The following AIG1 variants were observed in gnomAD, a reference collection of about 807,000 sequenced individuals.
AIG1 encodes androgen induced 1.
A neutral mutation model predicts 31.4 loss-of-function variants in AIG1; 23 were observed. The ratio of observed to expected loss-of-function variants is 0.73; its 90% confidence interval spans 0.53 to 1.04. The LOEUF (loss-of-function observed/expected upper bound fraction) is 1.04, where lower values mean the gene tolerates loss of function less well. AIG1 is among the 50% of genes least tolerant of loss of function. The probability of loss-of-function intolerance (pLI) is 0.00; values close to 1 mark genes in which losing one functional copy is unlikely to be tolerated. For missense variants in AIG1, 274 were observed against 295.0 expected (o/e 0.93, Z 0.52); for synonymous variants, 100 against 110.5 (o/e 0.90, Z 0.60).
chr6:143,263,807 A>G (rs183979633), intron 3 of AIG1, among the ~76,000 whole-genome samples: 20 of 152,320 alleles, frequency 1.3e-4, no homozygotes, highest in African/African-American at 4.8e-4. Flanking sequence ...CCATTCCCCA[A>G]TGGTAGATTA....
At chr6:143,064,263 G>T (rs1231324204) in intron 1 of AIG1, among the ~76,000 whole-genome samples, 1 of 152,188 alleles carries the variant, frequency 6.6e-6, no homozygotes, top group African/African-American at 2.4e-5. Flanking sequence ...AATTACAAGG[G>T]TCCTTAAAAG....
chr6:143,278,537 C>T lies in AIG1; in HGVS notation c.400-5573C>T, dbSNP rs547179711. Among the ~76,000 whole-genome samples, 9 of 149,744 alleles carry T rather than the reference C, an allele frequency of 6.0e-5. No individual in the cohort carries two copies. The South Asian group carries it at 6.4e-4, about 11-fold the overall frequency. On this transcript the variant is annotated intron_variant, in intron 3 of 5. Coordinates refer to ENST00000357847, the MANE Select transcript of AIG1 (RefSeq NM_016108.4). ...AGGCTGCAGTGCGGTGGCGTGATCT[C>T]GGCTCACTGCAACCTCTGCCTCCCA...
intron 3 of AIG1, among the ~76,000 whole-genome samples, chr6:143,207,135 T>C (rs1261618103): frequency 6.6e-6 from 1 of 152,126 alleles, no homozygotes. Flanking sequence ...AGATATCTTC[T>C]TTTTGTGAAT....
At chr6:143,313,518 T>C (rs1004247070) in intron 4 of AIG1, among the ~76,000 whole-genome samples, 13 of 152,042 alleles carry the variant, frequency 8.6e-5, no homozygotes, top group East Asian at 3.8e-4. Context: ...GTTGAACTTA[T>C]GGAGATAGGT....
rs990435731 is a variant in AIG1 at position 143,340,694 on chromosome 6, C to A, written c.*1018C>A. On this transcript the variant is annotated 3_prime_UTR_variant, in exon 6 of 6. Coordinates refer to ENST00000357847, the MANE Select transcript of AIG1 (RefSeq NM_016108.4). ...AGCCAGGATGGTCTCGATCTCCTGACCTTGTGATCCACACGCCTCGGCCTC... is the reference window on the plus strand; with the variant it reads ...AGCCAGGATGGTCTCGATCTCCTGAACTTGTGATCCACACGCCTCGGCCTC... Among the ~76,000 whole-genome samples the A allele has an allele frequency of 3.9e-5, 6 of 152,040 alleles. No individual in the cohort carries two copies. Among genetic ancestry groups the A allele is most frequent in the Non-Finnish European group, 7.4e-5 (5 of 68,004 alleles).
At chr6:143,310,497 T>C (rs375229134) in intron 4 of AIG1, among the ~76,000 whole-genome samples, 5 of 151,850 alleles carry the variant, frequency 3.3e-5, no homozygotes, top group Admixed American at 1.3e-4. Context: ...AGGAAAGTAG[T>C]GCTTAGAGGT....
chr6:143,185,024 G>A (rs1010432019), intron 3 of AIG1, among the ~76,000 whole-genome samples: 4 of 151,674 alleles, frequency 2.6e-5, no homozygotes, highest in East Asian at 1.9e-4. Context: ...GGTGAAACCC[G>A]GTCTCTACTA....
intron 3 of AIG1, among the ~76,000 whole-genome samples, chr6:143,179,255 A>G (rs1345833361): frequency 6.6e-6 from 1 of 152,156 alleles, no homozygotes; most frequent in Non-Finnish European, 1.5e-5. Flanking sequence ...GGATTGGGAA[A>G]ATATGAATTT....
chr6:143,251,483 G>A (rs556988891), intron 3 of AIG1, among the ~76,000 whole-genome samples: 3 of 151,898 alleles, frequency 2.0e-5, no homozygotes, highest in Admixed American at 6.6e-5. Context: ...ACCTGACACT[G>A]TTTGCAAACT....
At chr6:143,184,374 T>G (rs1789029544) in intron 3 of AIG1, among the ~76,000 whole-genome samples, 1 of 152,214 alleles carries the variant, frequency 6.6e-6, no homozygotes, top group Non-Finnish European at 1.5e-5. Context: ...TGTCCTTCCC[T>G]GGTCTGTGCT....
chr6:143,085,472 C>G (rs1778678010), intron 1 of AIG1, among the ~76,000 whole-genome samples: 1 of 152,164 alleles, frequency 6.6e-6, no homozygotes, highest in African/African-American at 2.4e-5. Context: ...TCTAGTGGTC[C>G]TTTTCCAGCG....
At chr6:143,171,468 A>C (rs1321379452) in intron 3 of AIG1, among the ~76,000 whole-genome samples, 1 of 103,854 alleles carries the variant, frequency 9.6e-6, no homozygotes, top group South Asian at 2.7e-4. Flanking sequence ...ATATATATTT[A>C]ATATATATAA....
intron 4 of AIG1, among the ~76,000 whole-genome samples, chr6:143,294,542 G>T (rs1483752770): frequency 6.6e-6 from 1 of 152,112 alleles, no homozygotes; most frequent in African/African-American, 2.4e-5. Context: ...CATCAGATTG[G>T]CATTACCATT....
chr6:143,257,182 C>T (rs981947805), intron 3 of AIG1, among the ~76,000 whole-genome samples: 13 of 152,206 alleles, frequency 8.5e-5, no homozygotes, highest in African/African-American at 1.7e-4. Context: ...CGTCCATGCC[C>T]GATGGCTTTC....
intron 4 of AIG1, among the ~76,000 whole-genome samples, chr6:143,290,355 G>A (rs775946086): frequency 4.6e-5 from 7 of 152,190 alleles, no homozygotes; most frequent in South Asian, 2.1e-4. Flanking sequence ...GCGTGCTTCC[G>A]GGGTCTTGTG....
intron 1 of AIG1, among the ~76,000 whole-genome samples, chr6:143,107,768 G>A (rs1780933692): frequency 6.6e-6 from 1 of 152,162 alleles, no homozygotes; most frequent in Non-Finnish European, 1.5e-5. Flanking sequence ...AGTCATTTCT[G>A]AAAGCTTAGA....
intron 4 of AIG1, among the ~76,000 whole-genome samples, chr6:143,318,857 C>T (rs1775972359): frequency 6.6e-6 from 1 of 151,860 alleles, no homozygotes; most frequent in Non-Finnish European, 1.5e-5. Flanking sequence ...ATACAAATGG[C>T]CGACAAATAC....
At chr6:143,233,117 C>G (rs1182952142) in intron 3 of AIG1, among the ~76,000 whole-genome samples, 1 of 152,134 alleles carries the variant, frequency 6.6e-6, no homozygotes, top group African/African-American at 2.4e-5. Flanking sequence ...CCCCTGGGAT[C>G]TGCCCCCACT....
intron 3 of AIG1, among the ~76,000 whole-genome samples, chr6:143,273,666 G>C (rs999694167): frequency 1.3e-5 from 2 of 152,180 alleles, no homozygotes; most frequent in Non-Finnish European, 2.9e-5. Flanking sequence ...AAGGCGAAAG[G>C]CATGTCTTAC....
Sources: allele counts gnomAD v4.1 joint callset (sites outside exome capture counted in the v4.1 genomes callset), GRCh38; gene constraint gnomAD v4.1.1; transcripts MANE v1.5; gene names NCBI Gene and HGNC (gene_info 2026-07-23, HGNC 2026-07-21).